The following MAGI2 variants were observed in gnomAD, a reference collection of about 807,000 sequenced individuals.
MAGI2 encodes the protein membrane associated guanylate kinase, WW and PDZ domain containing 2, also known as membrane-associated guanylate kinase, WW and PDZ domain-containing protein 2.
A neutral mutation model predicts 133.3 loss-of-function variants in MAGI2; 35 were observed. The observed-to-expected ratio is 0.26, with a 90% CI of 0.20 to 0.35. MAGI2 has a LOEUF of 0.35. Among genes scored for constraint, MAGI2 ranks in the 10% least tolerant of loss-of-function variants. MAGI2 has a pLI of 1.00. For missense variants in MAGI2, 1,636 were observed against 1,863.4 expected (o/e 0.88, Z 2.25); for synonymous variants, 729 against 710.6 (o/e 1.03, Z -0.41).
At chr7:78,087,460 TAAC>T (rs1256322336) in intron 20 of MAGI2, among the ~76,000 whole-genome samples, 1 of 151,884 alleles carries the variant, frequency 6.6e-6, no homozygotes, top group African/African-American at 2.4e-5. Flanking sequence ...TAGTTACAAT[TAAC>T]AATAGATCAT....
intron 4 of MAGI2, among the ~76,000 whole-genome samples, chr7:78,513,487 TGAG>T (rs1277358651): frequency 6.6e-6 from 1 of 151,206 alleles, no homozygotes; most frequent in African/African-American, 2.4e-5. Context: ...ATCACTTTCC[TGAG>T]GAGAACTATA....
chr7:78,191,131 T>C (rs1828171278), intron 12 of MAGI2, among the ~76,000 whole-genome samples: 1 of 152,310 alleles, frequency 6.6e-6, no homozygotes, highest in Non-Finnish European at 1.5e-5. Context: ...AGAAGGCCCA[T>C]TGATTAAAAC....
At chr7:78,833,721 C>T (rs1377991303) in intron 2 of MAGI2, among the ~76,000 whole-genome samples, 1 of 152,166 alleles carries the variant, frequency 6.6e-6, no homozygotes, top group African/African-American at 2.4e-5. Flanking sequence ...CTAGGGGCTT[C>T]AGAAGCAGCG....
rs11978907 is a variant in MAGI2 at position 78,511,306 on chromosome 7, T to C, written c.755-9519A>G. On this transcript the variant is annotated intron_variant, in intron 4 of 21. Transcript: ENST00000354212. ...TTCATCGTGGCTGTACTATAGATTATACTCTGTAATGAAAAGTGTAGGACA... is the reference window on the plus strand; with the variant it reads ...TTCATCGTGGCTGTACTATAGATTACACTCTGTAATGAAAAGTGTAGGACA... 6.7e-3 allele frequency among the ~76,000 whole-genome samples: 1,013 copies of C among 152,014 alleles called. 14 individuals are homozygous for C. The highest frequency in any genetic ancestry group is 0.023 in the African/African-American group (971 of 41,492).
chr7:78,165,316 C>T (rs1464393777), intron 15 of MAGI2, among the ~76,000 whole-genome samples: 19 of 150,358 alleles, frequency 1.3e-4, no homozygotes. Flanking sequence ...CAGAGTGAGA[C>T]CTTTTCTCAA....
chr7:78,623,778 C>T (rs748497976), intron 3 of MAGI2, among the ~76,000 whole-genome samples: 9 of 152,108 alleles, frequency 5.9e-5, no homozygotes, highest in Non-Finnish European at 1.2e-4. Flanking sequence ...AACAGTCATG[C>T]ATTGTGTAAC....
At chr7:79,079,503 T>C (rs1265150410) in intron 1 of MAGI2, among the ~76,000 whole-genome samples, 1 of 152,186 alleles carries the variant, frequency 6.6e-6, no homozygotes, top group Non-Finnish European at 1.5e-5. Context: ...AAATTTGATT[T>C]TGTATTTGAA....
intron 2 of MAGI2, among the ~76,000 whole-genome samples, chr7:78,993,235 G>A (rs1481129495): frequency 1.3e-5 from 2 of 151,994 alleles, no homozygotes; most frequent in East Asian, 3.9e-4. Context: ...AGGAGCCAGA[G>A]TATAAGTAGA....
At chr7:79,378,857 T>C (rs1843553283) in intron 1 of MAGI2, among the ~76,000 whole-genome samples, 1 of 147,330 alleles carries the variant, frequency 6.8e-6, no homozygotes, top group African/African-American at 2.5e-5. Flanking sequence ...TGGGGTTTCA[T>C]TCTTTCTCCT....
chr7:78,323,603 G>C (rs953659871), intron 9 of MAGI2, among the ~76,000 whole-genome samples: 4 of 152,158 alleles, frequency 2.6e-5, no homozygotes, highest in Non-Finnish European at 5.9e-5. Flanking sequence ...AGTCTAACTA[G>C]TTAGGTTTAA....
rs1447662468 is a variant in MAGI2, at chr7:79,086,252, G to GT, written c.302-79047dup. On this transcript the variant is annotated intron_variant, in intron 1 of 21. Coordinates refer to ENST00000354212, the MANE Select transcript of MAGI2 (RefSeq NM_012301.4). Reference sequence around the variant, plus strand: ...AAATTTTAAAAGTCCTGACAATGGAGTTTTTTAGGAAGCTTCCTGATAGGT... The same window carrying GT: ...AAATTTTAAAAGTCCTGACAATGGAGTTTTTTTAGGAAGCTTCCTGATAGGT... Among the ~76,000 whole-genome samples, 6 of 151,784 alleles carry GT rather than the reference G, an allele frequency of 4.0e-5. No individual in the cohort carries two copies. The South Asian group carries it at 6.2e-4, about 16-fold the overall frequency.
rs372838690 is a variant in MAGI2 at position 78,622,910 on chromosome 7, C to T, written c.538+4210G>A. Reference sequence around the variant, plus strand: ...CAGCCTCACTCTCCAATAATCAGCTCTATGCACACTAGGCCAATTAAGATG... The same window carrying T: ...CAGCCTCACTCTCCAATAATCAGCTTTATGCACACTAGGCCAATTAAGATG... On this transcript the variant is annotated intron_variant, in intron 3 of 21. Coordinates refer to ENST00000354212, the MANE Select transcript of MAGI2 (RefSeq NM_012301.4). 3.3e-5 allele frequency among the ~76,000 whole-genome samples: 5 copies of T among 152,096 alleles called. No individual in the cohort carries two copies. In the East Asian group the frequency reaches 5.8e-4, roughly 18 times the overall value.
At chr7:78,583,935 C>T (rs892141099) in intron 3 of MAGI2, among the ~76,000 whole-genome samples, 1 of 152,166 alleles carries the variant, frequency 6.6e-6, no homozygotes, top group African/African-American at 2.4e-5. Flanking sequence ...TTCATTGTCA[C>T]CCTCTGCATT....
chr7:78,900,863 G>A (rs1319249735), intron 2 of MAGI2, among the ~76,000 whole-genome samples: 2 of 152,108 alleles, frequency 1.3e-5, no homozygotes, highest in South Asian at 2.1e-4. Flanking sequence ...TACTTGTTGT[G>A]TAGATAAATA....
In MAGI2 at chr7:78,185,149, G is replaced by A. The variant is rs1470118478; in HGVS notation, c.2311+480C>T. Among the ~76,000 whole-genome samples the A allele has an allele frequency of 4.6e-5, 7 of 152,138 alleles. No homozygotes were observed. In the East Asian group the frequency reaches 1.3e-3, roughly 29 times the overall value. ...ATATATTTTGTTTAACTTAGTATAT[G>A]CAAAATATTGTTTCAACATAAATCA... On this transcript the variant is annotated intron_variant, in intron 13 of 21. Transcript: ENST00000354212.
intron 1 of MAGI2, among the ~76,000 whole-genome samples, chr7:79,335,957 A>T (rs552496277): frequency 6.6e-6 from 1 of 152,150 alleles, no homozygotes; most frequent in East Asian, 1.9e-4. Flanking sequence ...TGGGGGCCTC[A>T]CCTGACTGTT....
At chr7:78,501,036 C>T (rs1457550108) in intron 5 of MAGI2, among the ~76,000 whole-genome samples, 4 of 152,168 alleles carry the variant, frequency 2.6e-5, no homozygotes, top group African/African-American at 4.8e-5. Context: ...TGCTGTGAGC[C>T]GTGATTGTGC....
intron 2 of MAGI2, among the ~76,000 whole-genome samples, chr7:78,825,678 G>A (rs1790565712): frequency 6.6e-6 from 1 of 152,042 alleles, no homozygotes; most frequent in Admixed American, 6.6e-5. Flanking sequence ...ATCTTATGTG[G>A]GAAAGTGAAA....
At chr7:79,213,053 G>A (rs1056318981) in intron 1 of MAGI2, among the ~76,000 whole-genome samples, 1 of 151,844 alleles carries the variant, frequency 6.6e-6, no homozygotes. Context: ...TGAGAATAGC[G>A]GTAGTGAGGG....
Sources: gnomAD v4.1 joint callset for allele counts (sites outside exome capture counted in the v4.1 genomes callset) on GRCh38, gnomAD v4.1.1 for gene constraint, MANE v1.5 for transcripts, NCBI Gene and HGNC (gene_info 2026-07-23, HGNC 2026-07-21) for gene names.